Variants in MCF2L observed in about 807,000 individuals in gnomAD.
MCF2L encodes the protein guanine nucleotide exchange factor DBS.
A neutral mutation model predicts 153.4 loss-of-function variants in MCF2L; 97 were observed. That is an observed-to-expected ratio of 0.63 (90% CI 0.54 to 0.75). The LOEUF is 0.75. Ranked by LOEUF, MCF2L falls within the 30% of genes least tolerant of loss-of-function variation. The pLI is 0.00. For synonymous variants in MCF2L, 659 were observed against 632.2 expected (o/e 1.04, Z -0.64); for missense variants, 1,347 against 1,495.2 (o/e 0.90, Z 1.64).
intron 26 of MCF2L, among the ~76,000 whole-genome samples, chr13:113,091,879 T>G (rs941845728): frequency 6.6e-6 from 1 of 152,036 alleles, no homozygotes; most frequent in Non-Finnish European, 1.5e-5. Context: ...TTCCCAGGGG[T>G]GTAAGCAGAA....
intron 1 of MCF2L, among the ~76,000 whole-genome samples, chr13:112,901,542 G>C (rs1256953374): frequency 1.3e-5 from 2 of 152,236 alleles, no homozygotes; most frequent in African/African-American, 4.8e-5. Context: ...AGCCATAAAT[G>C]TGCTGAAAGA....
chr13:113,085,308 T>A, intron 20 of MCF2L, 130 bp downstream of exon 20: 1 of 740,100 alleles, frequency 1.4e-6, no homozygotes, highest in Non-Finnish European at 2.3e-6. Context: ...GAGCCTGTGC[T>A]GAGGCTGGGA....
chr13:113,040,512 AG>A (rs1209688541), intron 3 of MCF2L: 2 of 151,462 alleles, frequency 1.3e-5, no homozygotes, highest in African/African-American at 2.4e-5. Flanking sequence ...TCTTGGGTGC[AG>A]GTTGACGTTT....
At chr13:113,041,635 C>T (rs1186438850) in intron 3 of MCF2L, among the ~76,000 whole-genome samples, 1 of 152,192 alleles carries the variant, frequency 6.6e-6, no homozygotes, top group Non-Finnish European at 1.5e-5. Flanking sequence ...GGGCTCTTTA[C>T]ATCCTCACGT....
chr13:113,088,703 T>G, intron 25 of MCF2L, 75 bp downstream of exon 25: 1 of 1,452,618 alleles, frequency 6.9e-7, no homozygotes, highest in Non-Finnish European at 9.4e-7. Context: ...GCCAGGGTCC[T>G]CGGCCTCTGT....
chr13:112,902,318 C>T, exon 2 of MCF2L: 1 of 1,612,930 alleles, frequency 6.2e-7, no homozygotes, highest in African/African-American at 1.3e-5. Flanking sequence ...ATTGATGTGT[C>T]TGACGTCATC....
At position 113,081,376 on chromosome 13, in the gene MCF2L, G is replaced by C; in HGVS notation, c.1875+97G>C. ...CAACTGCTGCTCGGAGCAGCCTGCT[G>C]TCCACCAAATGCATGTGAGAGAGCG... On this transcript the variant is annotated intron_variant, in intron 16 of 29. Coordinates refer to ENST00000535094, the MANE Select transcript of MCF2L (RefSeq NM_001112732.3). 1.1e-5 allele frequency: 14 copies of C among 1,233,876 alleles called. No homozygotes were observed. In the South Asian group the frequency reaches 1.6e-4, roughly 14 times the overall value. 76.4% of individuals were successfully genotyped at this position (1,233,876 alleles called of 1,614,324 possible). A position where few individuals can be genotyped will look rare whatever the true frequency, so the allele number is the denominator to read the frequency against.
chr13:112,912,639 A>G (rs959232699), intron 2 of MCF2L, among the ~76,000 whole-genome samples: 12 of 152,174 alleles, frequency 7.9e-5, no homozygotes, highest in African/African-American at 2.9e-4. Flanking sequence ...AAGAGCTGCA[A>G]ATGTCCTCAT....
At chr13:113,090,868 C>T (rs2035136945) in intron 26 of MCF2L, 2 of 1,158,880 alleles carry the variant, frequency 1.7e-6, no homozygotes, top group East Asian at 6.4e-5. Context: ...AGAAAACGTC[C>T]CTAGAGACGG....
chr13:112,979,758 G>A, intron 1 of MCF2L: 1 of 1,610,854 alleles, frequency 6.2e-7, no homozygotes. Flanking sequence ...CTCGAGGCCA[G>A]GTGAGATACA....
At chr13:112,973,076 G>A (rs1484170564) in intron 1 of MCF2L, among the ~76,000 whole-genome samples, 1 of 151,964 alleles carries the variant, frequency 6.6e-6, no homozygotes, top group Admixed American at 6.5e-5. Flanking sequence ...GCAGGGGCAC[G>A]CATTTCTGTG....
At chr13:113,020,536 C>T (rs147285321) in intron 2 of MCF2L, among the ~76,000 whole-genome samples, 9 of 152,350 alleles carry the variant, frequency 5.9e-5, no homozygotes, top group South Asian at 2.1e-4. Context: ...ATGAAGGCAC[C>T]GGCAGATGTG....
chr13:112,912,515 C>T (rs1344165214), intron 2 of MCF2L, among the ~76,000 whole-genome samples: 1 of 152,092 alleles, frequency 6.6e-6, no homozygotes, highest in East Asian at 1.9e-4. Context: ...CGGGGTTTCA[C>T]CATGTTGGCC....
At chr13:113,033,208 C>CCCCGTGATGTGAGTGGCT (rs2085861444) in intron 3 of MCF2L, among the ~76,000 whole-genome samples, 1 of 138,162 alleles carries the variant, frequency 7.2e-6, no homozygotes. Context: ...CGTGAGTGGC[C>CCCCGTGATGTGAGTGGCT]CCCGTGACAT....
intron 1 of MCF2L, among the ~76,000 whole-genome samples, chr13:113,001,102 C>T (rs1424171935): frequency 1.3e-5 from 2 of 152,168 alleles, no homozygotes; most frequent in Non-Finnish European, 2.9e-5. Context: ...GTGGGACTCC[C>T]ACCCAGGGCA....
chr13:112,943,335 G>A lies in MCF2L; in HGVS notation c.169+40964G>A, dbSNP rs548098287. 2.0e-5 allele frequency among the ~76,000 whole-genome samples: 3 copies of A among 152,262 alleles called. No homozygotes were observed. Among genetic ancestry groups the A allele is most frequent in the East Asian group, 1.9e-4 (1 of 5,162 alleles). ...TGGGGGGTCGCGGTCGAGCTCTAGG[G>A]CCCCCGGCCGCAGAGCCCAGGCGCG... On this transcript the variant is annotated intron_variant, in intron 2 of 29. Coordinates refer to the MCF2L transcript ENST00000375608. This position sits in a 1 kb window ranked among gnomAD's most constrained non-coding sequence, Gnocchi z 4.2.
chr13:112,936,301 AAAGAC>A (rs1315731657), intron 2 of MCF2L, among the ~76,000 whole-genome samples: 10 of 151,144 alleles, frequency 6.6e-5, no homozygotes, highest in Non-Finnish European at 1.3e-4. Flanking sequence ...AAAAAAAAAA[AAAGAC>A]CCAGTCCTGC....
rs1200539860 is a variant in MCF2L at position 112,946,726 on chromosome 13, A to G, written c.169+44355A>G. 3.3e-5 allele frequency among the ~76,000 whole-genome samples: 5 copies of G among 152,258 alleles called. No homozygotes were observed. In the South Asian group the frequency reaches 8.3e-4, roughly 25 times the overall value. ...AAGGGTGTATTTAGGACTCGTAGTC[A>G]GAAGAGGCACTGTGAGGATGCGTAT... On this transcript the variant is annotated intron_variant, in intron 2 of 29. Coordinates refer to the MCF2L transcript ENST00000375608.
chr13:113,078,544 C>T (rs2033762630), intron 14 of MCF2L, 108 bp downstream of exon 14: 6 of 1,371,414 alleles, frequency 4.4e-6, no homozygotes, highest in South Asian at 3.7e-5. Context: ...AGCTACCTGG[C>T]CAGCTCCCCA....
Sources: allele counts gnomAD v4.1 joint callset (sites outside exome capture counted in the v4.1 genomes callset), GRCh38; gene constraint gnomAD v4.1.1; non-coding constraint Gnocchi (gnomAD v3.1); transcripts MANE v1.5; gene names NCBI Gene and HGNC (gene_info 2026-07-23, HGNC 2026-07-21).